Variants in TNS1 observed in about 807,000 individuals in gnomAD.
TNS1 encodes tensin 1.
In TNS1, 62 loss-of-function variants were observed where a neutral mutation model predicts 168.6. The observed-to-expected ratio is 0.37, with a 90% CI of 0.30 to 0.45. TNS1 has a LOEUF of 0.45. TNS1 is among the 20% of genes least tolerant of loss of function. The pLI is 1.00. For missense variants in TNS1, 2,240 were observed against 2,339.4 expected, an observed-to-expected ratio of 0.96 and a Z score of 0.88; for synonymous variants, 934 against 933.2, an observed-to-expected ratio of 1.00 and a Z score of -0.02.
At position 217,848,431 on chromosome 2, in the gene TNS1, G is replaced by A; in HGVS notation, c.2086C>T (p.His696Tyr). 1 of 1,609,010 alleles carries A rather than the reference G, an allele frequency of 6.2e-7. No individual in the cohort carries two copies. Among genetic ancestry groups the A allele is most frequent in the Non-Finnish European group, 8.5e-7 (1 of 1,176,880 alleles). ...CGCATGGGGGCCGTGTGGCCAGCAT[G>A]GGCAGGCCCCGCCCGGCTGGCAGAC... Reference protein sequence around the residue: ...YESASRAGPAHAGHTAPMRPS... With the variant: ...YESASRAGPAYAGHTAPMRPS... Residue 696 changes from histidine to tyrosine, a missense_variant, in exon 19 of 33, where the codon CAT (histidine) becomes TAT (tyrosine). By Grantham distance (83) the His-to-Tyr change is moderately conservative. Around this residue, in one of 2 missense-constraint regions of TNS1, gnomAD observed 2,131 missense variants for 2,171.2 expected, o/e 0.98. Transcript: ENST00000682258.
Position 217,948,458 on chromosome 2 carries a change from C to T in TNS1, c.187-28222G>A, listed in dbSNP as rs1261132133. On this transcript the variant is annotated intron_variant, in intron 3 of 32. Transcript: ENST00000682258. This position sits in a 1 kb window ranked among gnomAD's most constrained non-coding sequence, Gnocchi z 4.1. Reference sequence around the variant, plus strand: ...CCTCTGAATCCTGCTAGGCCCAACACACCCCATAGGGAGCCAGGCCCCAGG... The same window carrying T: ...CCTCTGAATCCTGCTAGGCCCAACATACCCCATAGGGAGCCAGGCCCCAGG... Among the ~76,000 whole-genome samples the T allele has an allele frequency of 1.3e-5, 2 of 152,178 alleles. No homozygotes were observed. Among genetic ancestry groups the T allele is most frequent in the Admixed American group, 6.5e-5 (1 of 15,284 alleles).
chr2:218,007,566 T>TC (rs1330361811), upstream of TNS1, among the ~76,000 whole-genome samples: 8 of 74,936 alleles, frequency 1.1e-4, no homozygotes, highest in South Asian at 4.8e-4. Context: ...GCTCGGGGGG[T>TC]GGGGGGGGGG....
In TNS1 at chr2:217,848,446, G is replaced by A. The variant is rs531506212; in HGVS notation, c.2071C>T (p.Arg691Trp). Residue 691 changes from arginine to tryptophan, a missense_variant, in exon 19 of 33, where the codon CGG (arginine) becomes TGG (tryptophan). Arg to Trp is a moderately radical substitution (Grantham distance 101). Coordinates refer to ENST00000682258, the MANE Select transcript of TNS1 (RefSeq NM_001387777.1). ...TGGCCAGCATGGGCAGGCCCCGCCC[G>A]GCTGGCAGACTCGTAGGGGTAGCCT... is the stretch of plus-strand genomic sequence containing the variant. ...GGGYPYESAS[R>W]AGPAHAGHTA... 53 of 1,612,040 alleles carry A rather than the reference G, an allele frequency of 3.3e-5. No homozygotes were observed. The South Asian group carries it at 4.0e-4, about 12-fold the overall frequency.
intron 18 of TNS1, among the ~76,000 whole-genome samples, chr2:217,854,961 C>T (rs1223891441): frequency 2.0e-5 from 3 of 152,194 alleles, no homozygotes; most frequent in African/African-American, 4.8e-5. Context: ...ACTCAGAGCC[C>T]GGCCTGCAGG....
chr2:217,858,536 G>T, intron 18 of TNS1: 2 of 986,174 alleles, frequency 2.0e-6, no homozygotes, highest in Non-Finnish European at 2.4e-6. Flanking sequence ...AGGGAAGCCC[G>T]CTCTGATTTG....
At chr2:217,875,496 C>T (rs76727257) in intron 18 of TNS1, among the ~76,000 whole-genome samples, 6 of 152,278 alleles carry the variant, frequency 3.9e-5, no homozygotes, top group East Asian at 3.9e-4. Context: ...ATAAAAAGGA[C>T]CTATGGAAAA....
In TNS1 at chr2:217,812,457, C is replaced by G. The variant is rs1337910381; in HGVS notation, c.4955-12G>C. On this transcript the variant is annotated splice_polypyrimidine_tract_variant and intron_variant, in intron 27 of 32. Coordinates refer to ENST00000682258, the MANE Select transcript of TNS1 (RefSeq NM_001387777.1). Reference sequence around the variant, plus strand: ...GGCAGACAGCGATCCTGTAGGGAGGCAGACGGCATGTCATGGGCAGTGATA... The same window carrying G: ...GGCAGACAGCGATCCTGTAGGGAGGGAGACGGCATGTCATGGGCAGTGATA... 6.2e-7 allele frequency: 1 copy of G among 1,613,356 alleles called. No individual in the cohort carries two copies. Among genetic ancestry groups the G allele is most frequent in the Non-Finnish European group, 8.5e-7 (1 of 1,179,456 alleles).
rs1328551717 is a variant in TNS1 at position 217,813,526 on chromosome 2, T to C, written c.4861+159A>G. Among the ~76,000 whole-genome samples the C allele has an allele frequency of 6.6e-6, 1 of 152,068 alleles. No homozygotes were observed. The highest frequency in any genetic ancestry group is 1.5e-5 in the Non-Finnish European group (1 of 68,002). On this transcript the variant is annotated intron_variant, in intron 26 of 32. Coordinates refer to ENST00000682258, the MANE Select transcript of TNS1 (RefSeq NM_001387777.1). This position sits in a 1 kb window ranked among gnomAD's most constrained non-coding sequence, Gnocchi z 4.0. ...GCACCCAATCGTCCTGCTTTCCCAA[T>C]CTCTGACCTCAACCATCACCAAGCC... is the stretch of plus-strand genomic sequence containing the variant.
chr2:217,883,765 C>A (rs1950903440), intron 16 of TNS1, among the ~76,000 whole-genome samples: 1 of 152,144 alleles, frequency 6.6e-6, no homozygotes, highest in African/African-American at 2.4e-5. Flanking sequence ...CTTCTGGCTC[C>A]AGTGCAAGGA....
chr2:217,819,016 T>A (rs530798716), intron 23 of TNS1, among the ~76,000 whole-genome samples: 5 of 152,242 alleles, frequency 3.3e-5, no homozygotes, highest in Non-Finnish European at 5.9e-5. Context: ...CTGTGTCTGA[T>A]TCCAAAGCCC....
chr2:217,885,669 A>G (rs771676600), intron 15 of TNS1, 75 bp downstream of exon 15: 2 of 1,488,230 alleles, frequency 1.3e-6, no homozygotes, highest in Non-Finnish European at 1.9e-6. Context: ...TTGTCCCAAG[A>G]GGCAGGAAAG....
chr2:217,860,905 C>T (rs1211765199), intron 18 of TNS1, among the ~76,000 whole-genome samples: 8 of 152,182 alleles, frequency 5.3e-5, no homozygotes, highest in African/African-American at 1.2e-4. Context: ...TCTGATGGTT[C>T]TCCACTATCA....
At chr2:217,925,096 T>C (rs1955944951) in intron 3 of TNS1, among the ~76,000 whole-genome samples, 1 of 152,378 alleles carries the variant, frequency 6.6e-6, no homozygotes, top group Admixed American at 6.5e-5. Flanking sequence ...TGAGTGTTTA[T>C]GCTTGCAAAA....
chr2:217,943,003 G>A (rs1240505000), intron 3 of TNS1, among the ~76,000 whole-genome samples: 1 of 152,174 alleles, frequency 6.6e-6, no homozygotes, highest in African/African-American at 2.4e-5. Context: ...CTGACACTGA[G>A]GTCAGCTCTG....
chr2:217,894,566 A>G (rs1952073692), intron 9 of TNS1, among the ~76,000 whole-genome samples: 1 of 152,196 alleles, frequency 6.6e-6, no homozygotes, highest in African/African-American at 2.4e-5. Context: ...CTGAGGCAGG[A>G]GAATCACTTG....
upstream of TNS1, among the ~76,000 whole-genome samples, chr2:218,012,350 C>T (rs1294513603): frequency 6.6e-6 from 1 of 152,136 alleles, no homozygotes; most frequent in Non-Finnish European, 1.5e-5. Flanking sequence ...ATTACCAAAA[C>T]CTTCTCAGCA....
At position 217,818,174 on chromosome 2, in the gene TNS1, G is replaced by A; in HGVS notation, c.4158C>T (p.Asn1386=). The change falls in exon 24 of 33, where the codon AAC becomes AAT. Residue 1386 remains asparagine, a synonymous_variant. Transcript: ENST00000682258. ...LGRHPGAHQG[N]LASGLHSNAI... is the part of the protein sequence containing the mutation. ...CATTGCTATGAAGACCGGAGGCCAG[G>A]TTGCCTTGGTGAGCCCCAGGGTGCC... The A allele has an allele frequency of 1.2e-6, 2 of 1,613,938 alleles. No individual in the cohort carries two copies. The highest frequency in any genetic ancestry group is 1.3e-5 in the African/African-American group (1 of 75,058).
chr2:217,872,044 C>T (rs1949818742), intron 18 of TNS1, among the ~76,000 whole-genome samples: 1 of 152,258 alleles, frequency 6.6e-6, no homozygotes, highest in Non-Finnish European at 1.5e-5. Context: ...ACCATTTATC[C>T]AGAAGACTTC....
At chr2:217,811,760 C>T (rs550193239) in intron 28 of TNS1, among the ~76,000 whole-genome samples, 4 of 152,318 alleles carry the variant, frequency 2.6e-5, no homozygotes, top group African/African-American at 9.6e-5. Context: ...ACACTCCTTC[C>T]CTAGCCCTGC....
Sources: gnomAD v4.1 joint callset for allele counts (sites outside exome capture counted in the v4.1 genomes callset) on GRCh38, gnomAD v4.1.1 for gene constraint, gnomAD v4.1.1 regional missense constraint, Gnocchi (gnomAD v3.1) non-coding constraint, MANE v1.5 for transcripts, NCBI Gene and HGNC (gene_info 2026-07-23, HGNC 2026-07-21) for gene names.